Variants in NRG1 observed in about 807,000 individuals in gnomAD.
The protein encoded by NRG1 is neuregulin 1, also known as pro-neuregulin-1, membrane-bound isoform.
NRG1 carries 18 observed loss-of-function variants against 63.8 expected under a neutral mutation model. The observed-to-expected ratio is 0.28, with a 90% CI of 0.19 to 0.42. The LOEUF is 0.42. NRG1 is among the 10% of genes least tolerant of loss of function. The pLI is 1.00. For missense variants in NRG1, 762 were observed against 814.7 expected, an observed-to-expected ratio of 0.94 and a Z score of 0.79; for synonymous variants, 302 against 301.3, an observed-to-expected ratio of 1.00 and a Z score of -0.02.
intron 1 of NRG1, among the ~76,000 whole-genome samples, chr8:32,011,464 T>G (rs1814750277): frequency 6.6e-6 from 1 of 152,152 alleles, no homozygotes; most frequent in Non-Finnish European, 1.5e-5. Context: ...AATGTCAGAA[T>G]GATTACAGTA....
intron 1 of NRG1, among the ~76,000 whole-genome samples, chr8:31,888,269 T>A (rs985270849): frequency 6.6e-6 from 1 of 152,092 alleles, no homozygotes; most frequent in Admixed American, 6.6e-5. Context: ...ATTAAGTATG[T>A]TGACAATACC....
At chr8:32,028,699 G>T (rs1817827239) in intron 1 of NRG1, among the ~76,000 whole-genome samples, 1 of 152,142 alleles carries the variant, frequency 6.6e-6, no homozygotes, top group South Asian at 2.1e-4. Context: ...TTTAATTAAT[G>T]ATTTCATTCA....
At chr8:32,502,832 C>G (rs1828025737) in intron 1 of NRG1, among the ~76,000 whole-genome samples, 1 of 152,160 alleles carries the variant, frequency 6.6e-6, no homozygotes, top group African/African-American at 2.4e-5. Context: ...CAATCATAAA[C>G]TGTCAGTTAC....
chr8:31,743,064 C>T (rs1412161473), intron 1 of NRG1, among the ~76,000 whole-genome samples: 1 of 151,972 alleles, frequency 6.6e-6, no homozygotes, highest in Non-Finnish European at 1.5e-5. Flanking sequence ...ACAGTCCAGT[C>T]CCATCACCGT....
At chr8:32,553,745 C>T (rs1428425120) in intron 1 of NRG1, among the ~76,000 whole-genome samples, 1 of 152,068 alleles carries the variant, frequency 6.6e-6, no homozygotes, top group South Asian at 2.1e-4. Context: ...CCAACCTGCC[C>T]CTCACTATCT....
At chr8:32,255,872 C>T (rs530490671) in intron 1 of NRG1, among the ~76,000 whole-genome samples, 8 of 152,160 alleles carry the variant, frequency 5.3e-5, no homozygotes, top group Admixed American at 3.9e-4. Context: ...GGTCTTTTCA[C>T]GTAGTCCCAT....
At chr8:31,800,367 A>G (rs907464166) in intron 1 of NRG1, among the ~76,000 whole-genome samples, 1 of 152,194 alleles carries the variant, frequency 6.6e-6, no homozygotes, top group East Asian at 1.9e-4. Flanking sequence ...CAGTCATTAC[A>G]TGTCTAAATC....
At chr8:32,092,461 C>CAAAAAAA (rs71208167) in intron 1 of NRG1, among the ~76,000 whole-genome samples, 8 of 83,614 alleles carry the variant, frequency 9.6e-5, no homozygotes, top group African/African-American at 1.5e-4. Context: ...GACCCTGTCT[C>CAAAAAAA]AAAAAAAAAA....
intron 1 of NRG1, among the ~76,000 whole-genome samples, chr8:31,642,979 A>AGTGTGT (rs34942505): frequency 4.7e-4 from 71 of 150,964 alleles, no homozygotes; most frequent in African/African-American, 1.6e-3. Context: ...TGAGTGTAAA[A>AGTGTGT]GTGTGTGTGT....
intron 1 of NRG1, among the ~76,000 whole-genome samples, chr8:32,457,691 A>T (rs1821775412): frequency 6.6e-6 from 1 of 152,188 alleles, no homozygotes; most frequent in Non-Finnish European, 1.5e-5. Context: ...AGGACTTGGT[A>T]TTCAAAGTAA....
intron 1 of NRG1, among the ~76,000 whole-genome samples, chr8:31,701,399 T>C (rs1239767398): frequency 1.3e-5 from 2 of 152,200 alleles, no homozygotes; most frequent in Non-Finnish European, 2.9e-5. Flanking sequence ...CTTGTTAATT[T>C]CTTGACATAA....
intron 1 of NRG1, among the ~76,000 whole-genome samples, chr8:32,487,675 G>A (rs1472083836): frequency 9.2e-5 from 14 of 152,332 alleles, no homozygotes; most frequent in East Asian, 3.9e-4. Context: ...TGTCTTGTGA[G>A]CATTTGGTGC....
chr8:32,584,057 A>G (rs111977432), intron 1 of NRG1, among the ~76,000 whole-genome samples: 2 of 151,840 alleles, frequency 1.3e-5, no homozygotes, highest in Non-Finnish European at 2.9e-5. Context: ...AATAGGGGAG[A>G]CTATTTGGAC....
At chr8:32,056,270 T>C (rs1822921429) in intron 1 of NRG1, among the ~76,000 whole-genome samples, 1 of 152,182 alleles carries the variant, frequency 6.6e-6, no homozygotes, top group African/African-American at 2.4e-5. Flanking sequence ...TTAATTTCTG[T>C]CTTCCAATTA....
chr8:32,026,852 T>A (rs1301373243), intron 1 of NRG1, among the ~76,000 whole-genome samples: 2 of 152,176 alleles, frequency 1.3e-5, no homozygotes, highest in African/African-American at 4.8e-5. Context: ...TAACATTGTG[T>A]TGGATTTTTT....
At chr8:32,687,982 T>C (rs1810613833) in intron 5 of NRG1, among the ~76,000 whole-genome samples, 1 of 151,950 alleles carries the variant, frequency 6.6e-6, no homozygotes, top group African/African-American at 2.4e-5. Context: ...CCTCCAACAA[T>C]GGGGATTACA....
intron 1 of NRG1, among the ~76,000 whole-genome samples, chr8:32,454,976 T>C (rs955492590): frequency 6.6e-6 from 1 of 152,198 alleles, no homozygotes; most frequent in Non-Finnish European, 1.5e-5. Context: ...TACGGTTCTC[T>C]AGTGCTCAGT....
chr8:32,275,924 C>A (rs1852054406), intron 1 of NRG1, among the ~76,000 whole-genome samples: 1 of 152,118 alleles, frequency 6.6e-6, no homozygotes, highest in East Asian at 1.9e-4. Flanking sequence ...TGGTATGCAA[C>A]AACTGTACAT....
At chr8:32,610,678 C>T (rs1249178764) in intron 3 of NRG1, among the ~76,000 whole-genome samples, 2 of 152,130 alleles carry the variant, frequency 1.3e-5, no homozygotes, top group African/African-American at 2.4e-5. Context: ...TGTTTTCTGT[C>T]TTTTCCAATG....
Sources: gnomAD v4.1 joint callset for allele counts (sites outside exome capture counted in the v4.1 genomes callset) on GRCh38, gnomAD v4.1.1 for gene constraint, MANE v1.5 for transcripts, NCBI Gene and HGNC (gene_info 2026-07-23, HGNC 2026-07-21) for gene names.